Variants in TAFA2 observed in about 807,000 individuals in gnomAD.
The protein encoded by TAFA2 is chemokine-like protein TAFA-2.
Under a neutral mutation model 18.8 loss-of-function variants are expected in TAFA2, and 7 were observed. That is an observed-to-expected ratio of 0.37 (90% confidence interval 0.21 to 0.70). The LOEUF is 0.70. Among genes scored for constraint, TAFA2 ranks in the 30% least tolerant of loss-of-function variants. The pLI, the probability that TAFA2 is intolerant of heterozygous loss-of-function variation, is 0.53. For synonymous variants in TAFA2, 60 were observed against 54.2 expected, an observed-to-expected ratio of 1.11 and a Z score of -0.47; for missense variants, 122 against 158.1, an observed-to-expected ratio of 0.77 and a Z score of 1.23.
At chr12:61,875,853 A>T (rs1592452929) in intron 1 of TAFA2, among the ~76,000 whole-genome samples, 1 of 152,260 alleles carries the variant, frequency 6.6e-6, no homozygotes, top group East Asian at 1.9e-4. Context: ...TGACTTGTAG[A>T]TCTGTAAACA....
At chr12:61,839,739 G>T (rs187258538) in intron 2 of TAFA2, among the ~76,000 whole-genome samples, 3 of 152,120 alleles carry the variant, frequency 2.0e-5, no homozygotes, top group East Asian at 3.9e-4. Flanking sequence ...TGGAAGGAAG[G>T]ATGAAAGAGT....
intron 1 of TAFA2, among the ~76,000 whole-genome samples, chr12:61,949,831 T>C (rs994887168): frequency 2.0e-5 from 3 of 152,188 alleles, no homozygotes; most frequent in African/African-American, 4.8e-5. Flanking sequence ...TTCAGTTGTG[T>C]TAAGTACATT....
intron 1 of TAFA2, among the ~76,000 whole-genome samples, chr12:62,103,484 T>C (rs1207595031): frequency 6.6e-6 from 1 of 152,144 alleles, no homozygotes; most frequent in Non-Finnish European, 1.5e-5. Flanking sequence ...CTCACACCTG[T>C]AATCCCAGCA....
At chr12:61,864,772 CA>C (rs34286549) in intron 2 of TAFA2, among the ~76,000 whole-genome samples, 828 of 78,350 alleles carry the variant, frequency 0.011, 7 homozygotes, top group African/African-American at 0.033. Flanking sequence ...GACTCCGTCT[CA>C]AAAAAAAAAA....
rs369871302 is a variant in TAFA2 at position 62,123,772 on chromosome 12, C to CCACACA, written c.-2+67481_-2+67486dup. 6.5e-3 allele frequency among the ~76,000 whole-genome samples: 449 copies of CCACACA among 69,054 alleles called. 3 individuals carry two copies. The highest frequency in any genetic ancestry group is 0.018 in the East Asian group (57 of 3,158). The allele number at this position is 69,054 out of a possible 152,430, so 45.3% of individuals were successfully genotyped here. ...CCCACATATTCTCAAATCTCCCCCA[C>CCACACA]CACACACATACACACACACACACAC... On this transcript the variant is annotated intron_variant, in intron 1 of 4. Transcript: ENST00000416284.
chr12:61,840,322 C>T (rs1873121235), intron 2 of TAFA2, among the ~76,000 whole-genome samples: 1 of 151,886 alleles, frequency 6.6e-6, no homozygotes, highest in Admixed American at 6.6e-5. Flanking sequence ...ATATTTATAT[C>T]GAGAGTGTGA....
At chr12:61,822,510 G>A (rs1200284758) in intron 2 of TAFA2, among the ~76,000 whole-genome samples, 1 of 152,118 alleles carries the variant, frequency 6.6e-6, no homozygotes, top group Non-Finnish European at 1.5e-5. Context: ...AAGTAAAATT[G>A]CTACCAAACT....
At chr12:61,808,438 A>G (rs1208811393) in intron 2 of TAFA2, among the ~76,000 whole-genome samples, 19 of 151,530 alleles carry the variant, frequency 1.3e-4, no homozygotes, top group Admixed American at 1.2e-3. Context: ...GGACTAATAC[A>G]GTACATAATT....
intron 1 of TAFA2, among the ~76,000 whole-genome samples, chr12:62,151,530 T>C (rs988055430): frequency 6.6e-6 from 1 of 152,220 alleles, no homozygotes; most frequent in Non-Finnish European, 1.5e-5. Context: ...TTTGTGTAGT[T>C]ATTTAGTGTC....
At chr12:61,904,207 G>T (rs761846827) in intron 1 of TAFA2, among the ~76,000 whole-genome samples, 6 of 151,986 alleles carry the variant, frequency 3.9e-5, no homozygotes, top group Non-Finnish European at 7.4e-5. Flanking sequence ...CACACACAAT[G>T]GGTCCTCAGA....
At chr12:61,909,082 T>C (rs1876490173) in intron 1 of TAFA2, among the ~76,000 whole-genome samples, 1 of 152,142 alleles carries the variant, frequency 6.6e-6, no homozygotes, top group African/African-American at 2.4e-5. Context: ...GTGAAGGATG[T>C]TCACATATCA....
intron 1 of TAFA2, among the ~76,000 whole-genome samples, chr12:61,897,363 C>T (rs890475318): frequency 1.3e-4 from 20 of 152,004 alleles, no homozygotes; most frequent in East Asian, 7.7e-4. Context: ...CTGTAGGTTC[C>T]GCAACCATGA....
At chr12:61,774,446 G>A (rs1044675846) in intron 2 of TAFA2, among the ~76,000 whole-genome samples, 1 of 151,582 alleles carries the variant, frequency 6.6e-6, no homozygotes, top group Non-Finnish European at 1.5e-5. Flanking sequence ...CAATCAATAA[G>A]TGAATAAAGA....
chr12:61,878,191 T>G (rs1429581757), intron 1 of TAFA2: 2 of 434,152 alleles, frequency 4.6e-6, no homozygotes, highest in African/African-American at 4.1e-5. Flanking sequence ...ATGGAGTTTT[T>G]GTACAGGATG....
At chr12:61,920,829 T>G (rs58600898) in intron 1 of TAFA2, among the ~76,000 whole-genome samples, 11,150 of 151,932 alleles carry the variant, frequency 0.073, 1,326 homozygotes, top group African/African-American at 0.25. Context: ...GAATATCATA[T>G]GGTAATGCTA....
chr12:61,762,137 A>G (rs1317590172), intron 2 of TAFA2, among the ~76,000 whole-genome samples: 1 of 152,068 alleles, frequency 6.6e-6, no homozygotes, highest in Non-Finnish European at 1.5e-5. Context: ...CCATGAGCCA[A>G]TTAAACCTCT....
chr12:61,758,270 C>G (rs911773644), intron 2 of TAFA2, among the ~76,000 whole-genome samples: 1 of 151,278 alleles, frequency 6.6e-6, no homozygotes, highest in Non-Finnish European at 1.5e-5. Context: ...GAAGCAAGAG[C>G]TGGAATGAAT....
At chr12:61,721,109 A>G (rs1055519789) in intron 4 of TAFA2, among the ~76,000 whole-genome samples, 3 of 152,280 alleles carry the variant, frequency 2.0e-5, no homozygotes, top group Non-Finnish European at 2.9e-5. Context: ...TAATCTTAGT[A>G]CATCATTTTT....
At chr12:61,745,068 T>C (rs968634269) in intron 4 of TAFA2, among the ~76,000 whole-genome samples, 1 of 152,088 alleles carries the variant, frequency 6.6e-6, no homozygotes, top group Non-Finnish European at 1.5e-5. Context: ...TTAATATAAA[T>C]ATCACTTAGT....
Sources: allele counts gnomAD v4.1 joint callset (sites outside exome capture counted in the v4.1 genomes callset), GRCh38; gene constraint gnomAD v4.1.1; transcripts MANE v1.5; gene names NCBI Gene and HGNC (gene_info 2026-07-23, HGNC 2026-07-21).